Variants in SIRPG observed in about 807,000 individuals in gnomAD.
The protein encoded by SIRPG is signal-regulatory protein gamma.
In SIRPG, 38 loss-of-function variants were observed where a neutral mutation model predicts 35.7. The ratio of observed to expected loss-of-function variants is 1.06; its 90% CI spans 0.82 to 1.40. The LOEUF is 1.40. Ranked by LOEUF, SIRPG falls within the 40% of genes most tolerant of loss-of-function variation. SIRPG has a pLI of 0.00. For synonymous variants in SIRPG, 215 were observed against 190.4 expected (o/e 1.13, Z -1.06); for missense variants, 519 against 483.0 (o/e 1.07, Z -0.70).
intron 4 of SIRPG, among the ~76,000 whole-genome samples, chr20:1,634,826 G>C (rs1250920773): frequency 3.3e-5 from 5 of 151,870 alleles, no homozygotes; most frequent in Admixed American, 3.3e-4. Flanking sequence ...GGCGGATCAC[G>C]AGGTCAGGAG....
At chr20:1,630,073 C>G in intron 5 of SIRPG, 149 bp downstream of exon 5, 2 of 637,792 alleles carry the variant, frequency 3.1e-6, no homozygotes, top group Non-Finnish European at 5.5e-6. Flanking sequence ...GGGTTGGGAG[C>G]CTTTTAAAGG....
At chr20:1,632,731 G>A (rs1436721998) in intron 4 of SIRPG, among the ~76,000 whole-genome samples, 1 of 152,048 alleles carries the variant, frequency 6.6e-6, no homozygotes, top group Non-Finnish European at 1.5e-5. Flanking sequence ...CTGCAGCCAG[G>A]CACCTGGGAC....
the SIRPG span, among the ~76,000 whole-genome samples, chr20:1,678,577 A>G: frequency 0.24 from 36,738 of 151,846 alleles, 5,103 homozygotes; most frequent in East Asian, 0.58. Context: ...TAAGGGAATG[A>G]TGATACATTA....
At position 1,638,289 on chromosome 20, in the gene SIRPG, G is replaced by A. The variant is rs562019855; in HGVS notation, c.431-1784C>T. ...GATAAAAAACCCACCCTGGTAAGGT[G>A]AGGGAGGATGAAGGCAAGCACGGAG... is the stretch of plus-strand genomic sequence containing the variant. On this transcript the variant is annotated intron_variant, in intron 2 of 5. Coordinates refer to ENST00000303415, the MANE Select transcript of SIRPG (RefSeq NM_018556.4). The A allele has an allele frequency of 3.9e-5, 6 of 152,386 alleles. No homozygotes were observed. The East Asian group carries it at 1.2e-3, about 29-fold the overall frequency. 9.4% of individuals were successfully genotyped at this position (152,386 alleles called of 1,614,324 possible).
At chr20:1,672,877 A>G in the SIRPG span, among the ~76,000 whole-genome samples, 9 of 152,162 alleles carry the variant, frequency 5.9e-5, no homozygotes, top group Non-Finnish European at 1.2e-4. Context: ...GAGTACTGAG[A>G]AAGCCAAAGG....
intron 2 of SIRPG, 102 bp downstream of exon 2, chr20:1,648,950 A>T: frequency 9.1e-7 from 1 of 1,096,616 alleles, no homozygotes; most frequent in South Asian, 1.4e-5. Flanking sequence ...CTTGAAAATG[A>T]GCACTGAAAA....
At chr20:1,647,341 G>A (rs1035018735) in intron 2 of SIRPG, 1 of 152,356 alleles carries the variant, frequency 6.6e-6, no homozygotes, top group African/African-American at 2.4e-5. Flanking sequence ...AGTCACACCT[G>A]AGCTACTTTC....
the SIRPG span, among the ~76,000 whole-genome samples, chr20:1,668,199 T>TTTTC: frequency 0.13 from 8,821 of 66,674 alleles, 365 homozygotes; most frequent in Non-Finnish European, 0.17. Flanking sequence ...TTTTCTTTTC[T>TTTTC]TTTCTTTCTT....
Position 1,636,412 on chromosome 20 carries a change from G to A in SIRPG, c.524C>T (p.Pro175Leu), listed in dbSNP as rs1383846293. The A allele has an allele frequency of 1.9e-6, 3 of 1,614,086 alleles. No individual in the cohort carries two copies. The African/African-American group carries it at 4.0e-5, about 22-fold the overall frequency. The change falls in exon 3 of 6, where the codon CCC becomes CTC. Residue 175 changes from proline (P) to leucine (L), a missense_variant. Transcript: ENST00000303415. ...SFTCESHGFS[P>L]RDITLKWFKN... ...GAACCATTTCAGGGTGATGTCTCTG[G>A]GAGAGAAGCCATGGGACTCACAGGT...
At chr20:1,636,562 T>C (rs796534473) in intron 2 of SIRPG, 57 bp from the exon 3 acceptor site, 228 of 1,554,286 alleles carry the variant, frequency 1.5e-4, no homozygotes, top group Non-Finnish European at 1.9e-4. Context: ...TCACTAACGA[T>C]GAGTGTGTGA....
chr20:1,657,608 G>A lies in SIRPG; in HGVS notation c.73+34C>T, dbSNP rs778316271. 4 of 1,606,700 alleles carry A rather than the reference G, an allele frequency of 2.5e-6. No homozygotes were observed. In the South Asian group the frequency reaches 3.3e-5, roughly 13 times the overall value. On this transcript the variant is annotated intron_variant, in intron 1 of 5. Coordinates refer to ENST00000303415, the MANE Select transcript of SIRPG (RefSeq NM_018556.4). ...GGGGCAAGGCTAGGTCCAGGAAGCA[G>A]GGAGAAAGGGTTCTAGCCCAATGCA...
upstream of SIRPG, among the ~76,000 whole-genome samples, chr20:1,661,317 C>T (rs917822675): frequency 5.9e-5 from 9 of 152,090 alleles, no homozygotes; most frequent in South Asian, 4.1e-4. Context: ...ATAGGCATGA[C>T]GTCTGGGGGA....
the SIRPG span, chr20:1,665,295 T>G: frequency 6.0e-6 from 1 of 167,180 alleles, no homozygotes; most frequent in Non-Finnish European, 1.3e-5. Flanking sequence ...AGGCCTCTGC[T>G]TCAGTGGATG....
At chr20:1,660,144 G>A (rs1197914089), upstream of SIRPG, among the ~76,000 whole-genome samples, 2 of 151,932 alleles carry the variant, frequency 1.3e-5, no homozygotes, top group Non-Finnish European at 2.9e-5. Flanking sequence ...AGAAATAGGC[G>A]GGCATGAGGT....
chr20:1,636,478 C>T lies in SIRPG; in HGVS notation c.458G>A (p.Gly153Asp), dbSNP rs773968801. ...GAKPSAPVVL[G>D]PAARTTPEHT... ...CTCAGGTGTGGTCCTCGCCGCAGGG[C>T]CCAATACCACGGGGGCAGAGGGTTT... The change falls in exon 3 of 6, where the codon GGC (glycine) becomes GAC (aspartate). Residue 153 changes from glycine (G) to aspartate (D), a missense_variant. Transcript: ENST00000303415. The T allele has an allele frequency of 1.2e-6, 2 of 1,614,194 alleles. No individual in the cohort carries two copies. The highest frequency in any genetic ancestry group is 1.7e-6 in the Non-Finnish European group (2 of 1,180,024).
chr20:1,686,248 T>G, the SIRPG span, among the ~76,000 whole-genome samples: 1 of 151,944 alleles, frequency 6.6e-6, no homozygotes, highest in East Asian at 1.9e-4. Flanking sequence ...CACTTGTGTT[T>G]GTCTGGAATC....
Position 1,652,214 on chromosome 20 carries a change from C to T in SIRPG, c.74-2806G>A, listed in dbSNP as rs74631456. On this transcript the variant is annotated intron_variant, in intron 1 of 5. Coordinates refer to ENST00000303415, the MANE Select transcript of SIRPG (RefSeq NM_018556.4). ...TTTACTTCATTCTAACAAAAAATGA[C>T]TGGTTATCTACTAGAATCTACTGGC... is the stretch of plus-strand genomic sequence containing the variant. 9.5e-3 allele frequency among the ~76,000 whole-genome samples: 1,440 copies of T among 152,298 alleles called. 16 individuals carry two copies. The highest frequency in any genetic ancestry group is 0.032 in the African/African-American group (1,346 of 41,562).
the SIRPG span, chr20:1,671,170 C>A: frequency 3.1e-6 from 1 of 325,216 alleles, no homozygotes; most frequent in Non-Finnish European, 6.4e-6. Context: ...CACTGCAGTG[C>A]ATGATACCAC....
upstream of SIRPG, among the ~76,000 whole-genome samples, chr20:1,660,682 A>T (rs2091993719): frequency 6.6e-6 from 1 of 152,178 alleles, no homozygotes; most frequent in Non-Finnish European, 1.5e-5. Context: ...GCATAGATAA[A>T]ATCTGAATGT....
Sources: allele counts gnomAD v4.1 joint callset (sites outside exome capture counted in the v4.1 genomes callset), GRCh38; gene constraint gnomAD v4.1.1; transcripts MANE v1.5; gene names NCBI Gene and HGNC (gene_info 2026-07-23, HGNC 2026-07-21).